Variants in SENP6 observed in about 807,000 individuals in gnomAD.
SENP6 encodes sentrin-specific protease 6.
SENP6 carries 41 observed loss-of-function variants against 134.5 expected under a neutral mutation model. That is an observed-to-expected ratio of 0.30 (90% CI 0.24 to 0.40). The LOEUF is 0.40. Ranked by LOEUF, SENP6 falls within the 10% of genes least tolerant of loss-of-function variation. SENP6 has a pLI of 1.00. For missense variants in SENP6, 1,248 were observed against 1,312.5 expected, an observed-to-expected ratio of 0.95 and a Z score of 0.76; for synonymous variants, 395 against 429.8, an observed-to-expected ratio of 0.92 and a Z score of 1.00.
intron 8 of SENP6, 78 bp from the exon 9 acceptor site, chr6:75,663,143 C>G: frequency 7.5e-7 from 1 of 1,325,640 alleles, no homozygotes; most frequent in Non-Finnish European, 1.1e-6. Context: ...AGTTTATGAA[C>G]ACCGTGAATG....
At chr6:75,688,452 G>A (rs1225221305) in intron 16 of SENP6, among the ~76,000 whole-genome samples, 6 of 152,162 alleles carry the variant, frequency 3.9e-5, no homozygotes, top group African/African-American at 1.4e-4. Context: ...AGTTGGAAAC[G>A]CAGAAATCAC....
At chr6:75,654,586 A>G (rs1440219113) in intron 7 of SENP6, among the ~76,000 whole-genome samples, 1 of 152,288 alleles carries the variant, frequency 6.6e-6, no homozygotes, top group East Asian at 1.9e-4. Context: ...AATCAGTAGC[A>G]GCTACATGAT....
Position 75,716,734 on chromosome 6 carries a change from T to C in SENP6, c.*1140T>C, listed in dbSNP as rs532509763. 1.3e-5 allele frequency: 2 copies of C among 152,146 alleles called. No homozygotes were observed. The highest frequency in any genetic ancestry group is 2.9e-5 in the Non-Finnish European group (2 of 67,860). The allele number at this position is 152,146 out of a possible 1,614,324, so 9.4% of individuals were successfully genotyped here. On this transcript the variant is annotated 3_prime_UTR_variant, in exon 24 of 24. Transcript: ENST00000447266. ...TTTCAAATGAAATGGTGTATACTTC[T>C]TTCAAATGAACTTTGAGACTTGAAA...
chr6:75,626,542 T>C (rs920546019), intron 3 of SENP6, among the ~76,000 whole-genome samples: 2 of 152,178 alleles, frequency 1.3e-5, no homozygotes, highest in African/African-American at 4.8e-5. Context: ...TCCCTACTGA[T>C]GAATAGAGAT....
At chr6:75,705,799 G>A (rs1349219064) in intron 19 of SENP6, among the ~76,000 whole-genome samples, 3 of 151,000 alleles carry the variant, frequency 2.0e-5, no homozygotes, top group Middle Eastern at 3.4e-3. Context: ...AAAAATATTG[G>A]TATAGGACAT....
chr6:75,614,970 A>G (rs1439676886), intron 1 of SENP6, among the ~76,000 whole-genome samples: 1 of 151,970 alleles, frequency 6.6e-6, no homozygotes, highest in African/African-American at 2.4e-5. Context: ...GGCTCACTGC[A>G]ATTTCCAGCT....
chr6:75,693,653 T>A (rs1774451725), intron 16 of SENP6, among the ~76,000 whole-genome samples: 1 of 152,162 alleles, frequency 6.6e-6, no homozygotes, highest in East Asian at 1.9e-4. Context: ...TTAAATTATG[T>A]CATTTTCATT....
At chr6:75,660,077 T>C (rs1307528383) in intron 8 of SENP6, among the ~76,000 whole-genome samples, 1 of 152,354 alleles carries the variant, frequency 6.6e-6, no homozygotes, top group African/African-American at 2.4e-5. Flanking sequence ...TCTCTTTCAA[T>C]AGAAATAATT....
intron 16 of SENP6, among the ~76,000 whole-genome samples, chr6:75,681,530 C>G (rs932220878): frequency 2.6e-5 from 4 of 151,722 alleles, no homozygotes; most frequent in Non-Finnish European, 5.9e-5. Flanking sequence ...GCGATCTTGG[C>G]CCACGGCAGC....
At position 75,715,944 on chromosome 6, in the gene SENP6, A is replaced by G. The variant is rs1174931413; in HGVS notation, c.*350A>G. 2.4e-5 allele frequency: 4 copies of G among 163,508 alleles called. No homozygotes were observed. Among genetic ancestry groups the G allele is most frequent in the African/African-American group, 9.6e-5 (4 of 41,666 alleles). The allele number at this position is 163,508 out of a possible 1,614,324, so 10.1% of individuals were successfully genotyped here. A position where few individuals can be genotyped will look rare whatever the true frequency, so the allele number is the denominator to read the frequency against. On this transcript the variant is annotated 3_prime_UTR_variant, in exon 24 of 24. Transcript: ENST00000447266. ...TGATATTCTTTAGTGAACTTGTTTA[A>G]TTCCTCAGTGGGTGTGACATATTTC... is the stretch of plus-strand genomic sequence containing the variant.
intron 6 of SENP6, chr6:75,646,490 T>G (rs1394498342): frequency 6.6e-6 from 1 of 152,204 alleles, no homozygotes; most frequent in Non-Finnish European, 1.5e-5. Context: ...AAGGAATTAA[T>G]AAATACAAAG....
intron 18 of SENP6, among the ~76,000 whole-genome samples, chr6:75,701,542 A>G (rs915272390): frequency 3.9e-5 from 6 of 151,906 alleles, no homozygotes; most frequent in Admixed American, 2.0e-4. Context: ...AATAACACAC[A>G]GTAACAGTAA....
intron 5 of SENP6, among the ~76,000 whole-genome samples, chr6:75,639,773 C>G (rs1050541038): frequency 6.6e-6 from 1 of 151,988 alleles, no homozygotes; most frequent in Non-Finnish European, 1.5e-5. Context: ...CCTTGTGTCC[C>G]AAATCATATA....
At chr6:75,613,531 T>C (rs1767620759) in intron 1 of SENP6, among the ~76,000 whole-genome samples, 1 of 152,158 alleles carries the variant, frequency 6.6e-6, no homozygotes, top group African/African-American at 2.4e-5. Flanking sequence ...AAAATGTTCA[T>C]AGTAGCAATG....
At chr6:75,605,794 T>TA (rs1302223351) in intron 1 of SENP6, among the ~76,000 whole-genome samples, 6 of 151,904 alleles carry the variant, frequency 3.9e-5, no homozygotes, top group African/African-American at 7.3e-5. Context: ...TATCTTTTTT[T>TA]AAAAAAAAGT....
intron 1 of SENP6, among the ~76,000 whole-genome samples, chr6:75,604,481 A>C (rs1766873558): frequency 6.6e-6 from 1 of 151,964 alleles, no homozygotes; most frequent in Admixed American, 6.6e-5. Flanking sequence ...AAATACAAAA[A>C]TTAGCCGTGT....
intron 1 of SENP6, among the ~76,000 whole-genome samples, chr6:75,606,750 GATAAT>G (rs1767058676): frequency 6.6e-6 from 1 of 151,618 alleles, no homozygotes; most frequent in African/African-American, 2.4e-5. Flanking sequence ...GCTCAGTTGG[GATAAT>G]ATAATAAAAT....
At chr6:75,630,404 G>A (rs537180482) in intron 3 of SENP6, among the ~76,000 whole-genome samples, 1 of 152,260 alleles carries the variant, frequency 6.6e-6, no homozygotes, top group Admixed American at 6.5e-5. Context: ...GGAAACTACC[G>A]GCAAGAAAAA....
intron 1 of SENP6, among the ~76,000 whole-genome samples, chr6:75,602,799 T>C (rs1469993443): frequency 6.6e-6 from 1 of 151,644 alleles, no homozygotes; most frequent in Non-Finnish European, 1.5e-5. Context: ...GGGGCGCGGG[T>C]GGATTGAGCT....
Sources: gnomAD v4.1 joint callset for allele counts (sites outside exome capture counted in the v4.1 genomes callset) on GRCh38, gnomAD v4.1.1 for gene constraint, MANE v1.5 for transcripts, NCBI Gene and HGNC (gene_info 2026-07-23, HGNC 2026-07-21) for gene names.